Variants in NAV2 observed in about 807,000 individuals in gnomAD.
The protein encoded by NAV2 is neuron navigator 2.
A neutral mutation model predicts 223.2 loss-of-function variants in NAV2; 54 were observed. The ratio of observed to expected loss-of-function variants is 0.24; its 90% CI spans 0.19 to 0.30. The LOEUF (loss-of-function observed/expected upper bound fraction) is 0.30, where lower values mean the gene tolerates loss of function less well. Ranked by LOEUF, NAV2 falls within the 10% of genes least tolerant of loss-of-function variation. The probability of loss-of-function intolerance (pLI) is 1.00; values close to 1 mark genes in which losing one functional copy is unlikely to be tolerated. For synonymous variants in NAV2, 1,279 were observed against 1,239.3 expected (o/e 1.03, Z -0.67); for missense variants, 2,806 against 3,147.5 (o/e 0.89, Z 2.60).
chr11:19,727,146 G>T (rs900390936), intron 1 of NAV2, among the ~76,000 whole-genome samples: 8 of 152,150 alleles, frequency 5.3e-5, no homozygotes, highest in African/African-American at 1.9e-4. Flanking sequence ...TTATCTACTT[G>T]GTAGCTGCAG....
At chr11:20,067,678 A>T (rs1318471361) in intron 20 of NAV2, among the ~76,000 whole-genome samples, 3 of 145,952 alleles carry the variant, frequency 2.1e-5, no homozygotes, top group Admixed American at 6.9e-5. Flanking sequence ...TTTAGTAGAG[A>T]TGGGTTTCAC....
chr11:19,554,965 T>C (rs1201290310), intron 1 of NAV2, among the ~76,000 whole-genome samples: 1 of 139,810 alleles, frequency 7.2e-6, no homozygotes, highest in African/African-American at 2.9e-5. Flanking sequence ...TAAAGATAAA[T>C]AAATTTTTTA....
chr11:20,008,095 G>A (rs1020703617), intron 11 of NAV2, among the ~76,000 whole-genome samples: 21 of 152,110 alleles, frequency 1.4e-4, no homozygotes, highest in Admixed American at 1.2e-3. Flanking sequence ...GGCCAGGCAC[G>A]GTGGCTTATG....
chr11:19,350,751 C>G, exon 1 of NAV2: 1 of 589,664 alleles, frequency 1.7e-6, no homozygotes, highest in Non-Finnish European at 3.0e-6. Flanking sequence ...CAGTCACCCT[C>G]ATTGCAAAGG....
At chr11:19,944,467 TTTCTC>T (rs1042626181) in intron 8 of NAV2, among the ~76,000 whole-genome samples, 3 of 151,764 alleles carry the variant, frequency 2.0e-5, no homozygotes, top group Non-Finnish European at 4.4e-5. Context: ...CTTTCTTTCT[TTTCTC>T]TTCTTCTCCT....
intron 11 of NAV2, among the ~76,000 whole-genome samples, chr11:20,017,180 C>T (rs928655280): frequency 2.6e-5 from 4 of 152,172 alleles, no homozygotes; most frequent in African/African-American, 9.7e-5. Context: ...TGATACTTTT[C>T]TAGGATCAGT....
intron 6 of NAV2, among the ~76,000 whole-genome samples, chr11:19,918,221 G>T (rs1170300503): frequency 6.6e-6 from 1 of 152,198 alleles, no homozygotes; most frequent in East Asian, 1.9e-4. Flanking sequence ...TTGCATTCGG[G>T]TCTGCCATTC....
intron 4 of NAV2, among the ~76,000 whole-genome samples, chr11:19,878,462 G>C (rs1992524): frequency 0.57 from 86,750 of 152,006 alleles, 25,544 homozygotes; most frequent in East Asian, 0.66. Flanking sequence ...GGCCCGGAGA[G>C]ATTAAGTGAC....
At chr11:19,792,981 G>A (rs1208003773) in intron 1 of NAV2, among the ~76,000 whole-genome samples, 1 of 151,830 alleles carries the variant, frequency 6.6e-6, no homozygotes, top group Non-Finnish European at 1.5e-5. Flanking sequence ...GGCCGAGGTG[G>A]GTGGATCACC....
In NAV2 at chr11:19,555,241, C is replaced by T. The variant is rs371647722; in HGVS notation, c.75+204214C>T. Among the ~76,000 whole-genome samples, 7 of 152,168 alleles carry T rather than the reference C, an allele frequency of 4.6e-5. No individual in the cohort carries two copies. The East Asian group carries it at 7.7e-4, about 17-fold the overall frequency. ...GAGAGGTGGAACCATGAAACATGCA[C>T]GACAAAGGCCTCAGCTGGTCCCCAG... On this transcript the variant is annotated intron_variant, in intron 1 of 37. Transcript: ENST00000360655.
At chr11:20,067,899 C>T (rs2059151763) in intron 20 of NAV2, among the ~76,000 whole-genome samples, 1 of 152,070 alleles carries the variant, frequency 6.6e-6, no homozygotes, top group African/African-American at 2.4e-5. Context: ...CTTCTGAGCA[C>T]TTTACCTATC....
chr11:19,756,060 C>A (rs1412710663), intron 1 of NAV2, among the ~76,000 whole-genome samples: 3 of 152,124 alleles, frequency 2.0e-5, no homozygotes, highest in Non-Finnish European at 2.9e-5. Context: ...CTCCACGTGG[C>A]AACTTTCATT....
intron 1 of NAV2, among the ~76,000 whole-genome samples, chr11:19,550,452 A>T (rs1285802915): frequency 6.6e-6 from 1 of 152,220 alleles, no homozygotes; most frequent in Non-Finnish European, 1.5e-5. Context: ...GACAATTTCC[A>T]TTTCGTAGAT....
At chr11:20,004,005 A>G (rs564055685) in intron 11 of NAV2, among the ~76,000 whole-genome samples, 2 of 152,194 alleles carry the variant, frequency 1.3e-5, no homozygotes, top group East Asian at 1.9e-4. Context: ...AGAAGAAAAC[A>G]TCTTAGGAAA....
intron 1 of NAV2, among the ~76,000 whole-genome samples, chr11:19,611,988 G>C (rs913115937): frequency 6.6e-6 from 1 of 152,346 alleles, no homozygotes; most frequent in South Asian, 2.1e-4. Flanking sequence ...AGACATCCAG[G>C]CATTTCCATA....
intron 11 of NAV2, among the ~76,000 whole-genome samples, chr11:19,989,982 G>A (rs1225529276): frequency 6.6e-6 from 1 of 152,106 alleles, no homozygotes; most frequent in African/African-American, 2.4e-5. Context: ...TACAAGCAAT[G>A]CCCAAACAGC....
chr11:20,102,135 G>A (rs1275050715), intron 32 of NAV2, among the ~76,000 whole-genome samples: 4 of 152,120 alleles, frequency 2.6e-5, no homozygotes, highest in Non-Finnish European at 5.9e-5. Context: ...GTGAGTTAGG[G>A]AACTTCTCCT....
chr11:20,068,219 A>G lies in NAV2; in HGVS notation c.4908+10A>G. 1 of 1,614,038 alleles carries G rather than the reference A, an allele frequency of 6.2e-7. No homozygotes were observed. The highest frequency in any genetic ancestry group is 8.5e-7 in the Non-Finnish European group (1 of 1,179,864). ...AAAATGCCAGTCAGAGGTAAGGAAC[A>G]GCTTTCTGGTTGGATTTCCTCTTTA... On this transcript the variant is annotated intron_variant, in intron 21 of 37. Transcript: ENST00000349880.
Position 19,998,851 on chromosome 11 carries a change from T to C in NAV2, c.2768+14604T>C, listed in dbSNP as rs2052235687. On this transcript the variant is annotated intron_variant, in intron 11 of 37. Transcript: ENST00000349880. The surrounding 1 kb of genome is among the most constrained non-coding windows in gnomAD (Gnocchi z 5.0). Reference sequence around the variant, plus strand: ...TTGGTTTCTTTTTGGAAACTGTTTATTTGACATCTCTTACTTTCATGTGTG... The same window carrying C: ...TTGGTTTCTTTTTGGAAACTGTTTACTTGACATCTCTTACTTTCATGTGTG... 1.3e-5 allele frequency among the ~76,000 whole-genome samples: 2 copies of C among 152,228 alleles called. No homozygotes were observed. The highest frequency in any genetic ancestry group is 2.9e-5 in the Non-Finnish European group (2 of 68,048).
Sources: allele counts gnomAD v4.1 joint callset (sites outside exome capture counted in the v4.1 genomes callset), GRCh38; gene constraint gnomAD v4.1.1; non-coding constraint Gnocchi (gnomAD v3.1); transcripts MANE v1.5; gene names NCBI Gene and HGNC (gene_info 2026-07-23, HGNC 2026-07-21).